The following PRDM2 variants were observed in gnomAD, a reference collection of about 807,000 sequenced individuals.
PRDM2 encodes PR domain zinc finger protein 2.
In PRDM2, 30 loss-of-function variants were observed where a neutral mutation model predicts 130.0. The ratio of observed to expected loss-of-function variants is 0.23; its 90% CI spans 0.17 to 0.31. PRDM2 has a LOEUF of 0.31. Ranked by LOEUF, PRDM2 falls within the 10% of genes least tolerant of loss-of-function variation. PRDM2 has a pLI of 1.00. For synonymous variants in PRDM2, 871 were observed against 782.4 expected (o/e 1.11, Z -1.89); for missense variants, 2,011 against 2,108.4 (o/e 0.95, Z 0.90).
At position 13,781,491 on chromosome 1, in the gene PRDM2, G is replaced by A; in HGVS notation, c.3696G>A (p.Gln1232=). Residue 1232 remains glutamine, a synonymous_variant, in exon 8 of 10, where the codon CAG becomes CAA. Transcript: ENST00000311066. The surrounding 1 kb of genome is among the most constrained non-coding windows in gnomAD (Gnocchi z 6.1). The part of the protein sequence containing the change: ...HEFESGTLRP[Q]NFTDPSKAHV... ...TTGAAAGCGGGACTCTGAGGCCCCA[G>A]AACTTTACAGATCCCAGCAAGGCCC... The A allele has an allele frequency of 3.1e-6, 5 of 1,613,218 alleles. No individual in the cohort carries two copies. The highest frequency in any genetic ancestry group is 4.2e-6 in the Non-Finnish European group (5 of 1,179,788).
rs868630177 is a variant in PRDM2 at position 13,796,484 on chromosome 1, G to A, written c.5036+13653G>A. Among the ~76,000 whole-genome samples the A allele has an allele frequency of 1.1e-4, 16 of 152,148 alleles. 1 individual carries two copies. The highest frequency in any genetic ancestry group is 1.3e-4 in the Admixed American group (2 of 15,272). On this transcript the variant is annotated intron_variant, in intron 8 of 9. Coordinates refer to ENST00000311066, the MANE Select transcript of PRDM2 (RefSeq NM_001393986.1). Reference sequence around the variant, plus strand: ...TTAACAGTAGGTCTTGACCAGATGCGGTGGCTCACACCTGTAATCCCAGCA... The same window carrying A: ...TTAACAGTAGGTCTTGACCAGATGCAGTGGCTCACACCTGTAATCCCAGCA...
intron 2 of PRDM2, among the ~76,000 whole-genome samples, chr1:13,722,240 C>T (rs370779621): frequency 2.3e-4 from 35 of 152,222 alleles, no homozygotes; most frequent in African/African-American, 7.9e-4. Flanking sequence ...ATCAGAAAAG[C>T]CAGCGGTCGT....
At chr1:13,808,573 G>A (rs938881841) in intron 8 of PRDM2, among the ~76,000 whole-genome samples, 4 of 152,040 alleles carry the variant, frequency 2.6e-5, no homozygotes, top group East Asian at 1.9e-4. Context: ...TTATGGAGGA[G>A]CATCTTGGGG....
Position 13,773,128 on chromosome 1 carries a change from A to T in PRDM2, c.562A>T (p.Ile188Leu), listed in dbSNP as rs751627711. 2.5e-5 allele frequency: 39 copies of T among 1,579,456 alleles called. No homozygotes were observed. The Admixed American group carries it at 6.0e-4, about 24-fold the overall frequency. ...NKNKGNKIQD[I>L]QLKTSEPDFT... Reference sequence around the variant, plus strand: ...AAACAAAGGAAACAAAATCCAAGACATACAACTGAAGACAAGTGAGCCAGA... The same window carrying T: ...AAACAAAGGAAACAAAATCCAAGACTTACAACTGAAGACAAGTGAGCCAGA... Residue 188 changes from isoleucine (I) to leucine (L), a missense_variant, in exon 7 of 10, where the codon ATA becomes TTA. Ile to Leu is a conservative substitution (Grantham distance 5). This residue lies in a region of PRDM2 where 1,288 missense variants were observed against 1,237.7 expected (regional missense o/e 1.04). Coordinates refer to ENST00000311066, the MANE Select transcript of PRDM2 (RefSeq NM_001393986.1).
At chr1:13,749,037 C>G (rs1643708040) in intron 5 of PRDM2, among the ~76,000 whole-genome samples, 2 of 152,160 alleles carry the variant, frequency 1.3e-5, no homozygotes, top group Admixed American at 1.3e-4. Flanking sequence ...AAAATGGGCC[C>G]ATGTTTTATT....
In PRDM2 at chr1:13,824,875, T is replaced by C. The variant is rs934334644; in HGVS notation, c.*1740T>C. On this transcript the variant is annotated 3_prime_UTR_variant, in exon 10 of 10. Coordinates refer to ENST00000311066, the MANE Select transcript of PRDM2 (RefSeq NM_001393986.1). Reference sequence around the variant, plus strand: ...GGGAAGTGTGGTTGAGGCCTTGGGGTCACTCCTTTTTTGCATGTGCAAATG... The same window carrying C: ...GGGAAGTGTGGTTGAGGCCTTGGGGCCACTCCTTTTTTGCATGTGCAAATG... 6.6e-6 allele frequency: 1 copy of C among 152,470 alleles called. No individual in the cohort carries two copies. The highest frequency in any genetic ancestry group is 2.4e-5 in the African/African-American group (1 of 41,382). The allele number at this position is 152,470 out of a possible 1,614,324, so 9.4% of individuals were successfully genotyped here. A position where few individuals can be genotyped will look rare whatever the true frequency, so the allele number is the denominator to read the frequency against.
At chr1:13,736,243 G>C (rs1361138869) in intron 4 of PRDM2, among the ~76,000 whole-genome samples, 1 of 151,772 alleles carries the variant, frequency 6.6e-6, no homozygotes, top group Non-Finnish European at 1.5e-5. Context: ...CGAGTAGCTG[G>C]GACAGGCCTG....
chr1:13,795,123 A>G (rs1371741575), intron 8 of PRDM2, among the ~76,000 whole-genome samples: 2 of 152,192 alleles, frequency 1.3e-5, no homozygotes, highest in African/African-American at 2.4e-5. Context: ...TTGAATTTCA[A>G]TGTCAATTTT....
intron 8 of PRDM2, among the ~76,000 whole-genome samples, chr1:13,801,514 C>T (rs768884739): frequency 2.0e-5 from 3 of 152,192 alleles, no homozygotes; most frequent in Non-Finnish European, 4.4e-5. Context: ...GTAAATGGCT[C>T]GGGCTTCCAT....
chr1:13,791,586 A>T (rs1644839667), intron 8 of PRDM2, among the ~76,000 whole-genome samples: 1 of 152,208 alleles, frequency 6.6e-6, no homozygotes, highest in South Asian at 2.1e-4. Flanking sequence ...TGTGTTTGTT[A>T]CATGCAAAAC....
intron 6 of PRDM2, among the ~76,000 whole-genome samples, chr1:13,759,162 CTTT>C (rs34840173): frequency 1.2e-4 from 17 of 140,928 alleles, no homozygotes; most frequent in Admixed American, 2.1e-4. Flanking sequence ...TTCCCCTACC[CTTT>C]TTTTTTTTTT....
At chr1:13,748,535 T>C (rs1389300170) in intron 5 of PRDM2, among the ~76,000 whole-genome samples, 3 of 152,220 alleles carry the variant, frequency 2.0e-5, no homozygotes, top group Admixed American at 2.0e-4. Flanking sequence ...CTTGTAACTT[T>C]TTTAACAGAT....
chr1:13,778,707 T>C lies in PRDM2; in HGVS notation c.912T>C (p.Ser304=). ...AAGCCAGCATGCCAAATGAAAATTCTGTGAAAGAGCCAGAAATACGGTGTG... is the reference window on the plus strand; with the variant it reads ...AAGCCAGCATGCCAAATGAAAATTCCGTGAAAGAGCCAGAAATACGGTGTG... ...EEEASMPNEN[S]VKEPEIRCDE... The change falls in exon 8 of 10, where the codon TCT becomes TCC. Residue 304 remains serine, a synonymous_variant. Coordinates refer to ENST00000311066, the MANE Select transcript of PRDM2 (RefSeq NM_001393986.1). 4 of 1,614,218 alleles carry C rather than the reference T, an allele frequency of 2.5e-6. No homozygotes were observed. The highest frequency in any genetic ancestry group is 3.4e-6 in the Non-Finnish European group (4 of 1,180,048).
Position 13,782,746 on chromosome 1 carries a change from C to T in PRDM2, c.4951C>T (p.Arg1651Trp). ...AGAGCGGAGTGGGGGGCCAGTCACC[C>T]GGAGCCTTCAGCTGGCAGCTGCTGC... Reference protein sequence around the residue: ...SRERSGGPVTRSLQLAAAADL... With the variant: ...SRERSGGPVTWSLQLAAAADL... Residue 1651 changes from arginine to tryptophan, a missense_variant, in exon 8 of 10, where the codon CGG becomes TGG. Coordinates refer to ENST00000311066, the MANE Select transcript of PRDM2 (RefSeq NM_001393986.1). 2.5e-6 allele frequency: 4 copies of T among 1,612,946 alleles called. No homozygotes were observed. The highest frequency in any genetic ancestry group is 3.4e-6 in the Non-Finnish European group (4 of 1,179,668).
intron 8 of PRDM2, among the ~76,000 whole-genome samples, chr1:13,784,087 G>A (rs1212279856): frequency 1.3e-5 from 2 of 152,186 alleles, no homozygotes; most frequent in Non-Finnish European, 2.9e-5. Flanking sequence ...TAATGGATCA[G>A]ATTTTTAAAA....
At position 13,787,920 on chromosome 1, in the gene PRDM2, G is replaced by A. The variant is rs145495274; in HGVS notation, c.5036+5089G>A. ...GGTTAATTATAGATAGACAAGAGTG[G>A]TGTTTGTTGTTTTTCCCCTCCCAGC... On this transcript the variant is annotated intron_variant, in intron 8 of 9. Transcript: ENST00000311066. The A allele has an allele frequency of 2.1e-4, 202 of 985,332 alleles. No homozygotes were observed. In the African/African-American group the frequency reaches 3.3e-3, roughly 16 times the overall value. 61.0% of individuals were successfully genotyped at this position (985,332 alleles called of 1,614,324 possible).
chr1:13,779,959 C>T lies in PRDM2; in HGVS notation c.2164C>T (p.Pro722Ser), dbSNP rs1644569732. 3 of 1,614,096 alleles carry T rather than the reference C, an allele frequency of 1.9e-6. No homozygotes were observed. The highest frequency in any genetic ancestry group is 1.7e-5 in the Admixed American group (1 of 60,000). Residue 722 changes from proline (P) to serine (S), a missense_variant, in exon 8 of 10, where the codon CCT (proline) becomes TCT (serine). Physicochemically the swap from Pro to Ser is moderately conservative, Grantham distance 74. Around this residue, in one of 5 missense-constraint regions of PRDM2, gnomAD observed 1,288 missense variants for 1,237.7 expected, o/e 1.04. Coordinates refer to ENST00000311066, the MANE Select transcript of PRDM2 (RefSeq NM_001393986.1). The surrounding 1 kb of genome is among the most constrained non-coding windows in gnomAD (Gnocchi z 4.9). Reference protein sequence around the residue: ...AKLGPVCVSAPASMLPVTSSR... With the variant: ...AKLGPVCVSASASMLPVTSSR... ...ATTAGGTCCTGTTTGTGTGTCTGCT[C>T]CTGCATCAATGTTGCCTGTGACCTC... is the stretch of plus-strand genomic sequence containing the variant.
At chr1:13,789,267 A>G (rs1341501771) in intron 8 of PRDM2, among the ~76,000 whole-genome samples, 3 of 152,248 alleles carry the variant, frequency 2.0e-5, no homozygotes, top group Non-Finnish European at 2.9e-5. Context: ...AACATTTCAC[A>G]GTGTTTCTGG....
chr1:13,749,319 C>G, intron 5 of PRDM2, 42 bp from the exon 6 acceptor site: 1 of 1,413,908 alleles, frequency 7.1e-7, no homozygotes, highest in South Asian at 1.2e-5. Flanking sequence ...CCAACAACCG[C>G]CGCTCTGATT....
Sources: allele counts gnomAD v4.1 joint callset (sites outside exome capture counted in the v4.1 genomes callset), GRCh38; gene constraint gnomAD v4.1.1; regional missense constraint gnomAD v4.1.1; non-coding constraint Gnocchi (gnomAD v3.1); transcripts MANE v1.5; gene names NCBI Gene and HGNC (gene_info 2026-07-23, HGNC 2026-07-21).